TDRD5: variants seen among roughly 807,000 people sequenced by gnomAD.
TDRD5 encodes tudor domain-containing protein 5.
A neutral mutation model predicts 120.6 loss-of-function variants in TDRD5; 41 were observed. The observed-to-expected ratio is 0.34, with a 90% CI of 0.26 to 0.44. The LOEUF (loss-of-function observed/expected upper bound fraction) is 0.44. Ranked by LOEUF, TDRD5 falls within the 20% of genes least tolerant of loss-of-function variation. The pLI, the probability that TDRD5 is intolerant of heterozygous loss-of-function variation, is 1.00. For synonymous variants in TDRD5, 430 were observed against 433.7 expected (o/e 0.99, Z 0.11); for missense variants, 1,006 against 1,221.2 (o/e 0.82, Z 2.63).
Position 179,663,345 on chromosome 1 carries a change from T to C in TDRD5, c.2506-3T>C. On this transcript the variant is annotated splice_polypyrimidine_tract_variant and splice_region_variant and intron_variant, in intron 15 of 17. Transcript: ENST00000444136. ...GTCTGTTGTTGCCATTTTTTCATTA[T>C]AGGACTGGTGTTTTTCTACCCCTAA... 1 of 1,607,996 alleles carries C rather than the reference T, an allele frequency of 6.2e-7. No individual in the cohort carries two copies. The highest frequency in any genetic ancestry group is 8.5e-7 in the Non-Finnish European group (1 of 1,178,350).
At chr1:179,657,541 A>G (rs1679065997) in intron 14 of TDRD5, among the ~76,000 whole-genome samples, 1 of 152,102 alleles carries the variant, frequency 6.6e-6, no homozygotes, top group South Asian at 2.1e-4. Flanking sequence ...GCAAATGGAT[A>G]TCTGTTTTCA....
At chr1:179,629,273 T>A (rs1184691877) in intron 6 of TDRD5, among the ~76,000 whole-genome samples, 1 of 152,152 alleles carries the variant, frequency 6.6e-6, no homozygotes, top group Non-Finnish European at 1.5e-5. Context: ...AAACTGAAGC[T>A]TATTCACTTT....
In TDRD5 at chr1:179,662,194, A is replaced by T. The variant is rs150357975; in HGVS notation, c.2413A>T (p.Met805Leu). Reference sequence around the variant, plus strand: ...GAACTGGTTACCTCTACAGGCTAAGATGGGAAAAGGAGGTGATGCTGCCTC... The same window carrying T: ...GAACTGGTTACCTCTACAGGCTAAGTTGGGAAAAGGAGGTGATGCTGCCTC... ...DENWLPLQAK[M>L]GKGGDAASHL... is the part of the protein sequence containing the mutation. Residue 805 changes from methionine to leucine, a missense_variant, in exon 15 of 18, where the codon ATG becomes TTG. By Grantham distance (15) the Met-to-Leu change is conservative (BLOSUM62 2). This residue lies in a region of TDRD5 where 403 missense variants were observed against 448.1 expected (regional missense o/e 0.90). Coordinates refer to ENST00000444136, the MANE Select transcript of TDRD5 (RefSeq NM_001199085.3). 1.2e-6 allele frequency: 2 copies of T among 1,612,744 alleles called. No homozygotes were observed. Among genetic ancestry groups the T allele is most frequent in the Non-Finnish European group, 1.7e-6 (2 of 1,179,540 alleles).
intron 11 of TDRD5, among the ~76,000 whole-genome samples, chr1:179,647,474 G>A (rs1450599897): frequency 6.6e-5 from 10 of 152,148 alleles, no homozygotes; most frequent in South Asian, 2.1e-4. Flanking sequence ...AGACTTAAAC[G>A]TTAGACCTAA....
At chr1:179,610,730 A>G (rs530920683) in intron 4 of TDRD5, among the ~76,000 whole-genome samples, 5 of 152,138 alleles carry the variant, frequency 3.3e-5, no homozygotes, top group African/African-American at 1.2e-4. Context: ...AGCCATTTTT[A>G]TTACTTTTAA....
At chr1:179,641,332 C>G (rs947512715) in intron 11 of TDRD5, among the ~76,000 whole-genome samples, 1 of 152,140 alleles carries the variant, frequency 6.6e-6, no homozygotes, top group Non-Finnish European at 1.5e-5. Context: ...GAATTCAAGA[C>G]CAGCCTGGCC....
At chr1:179,669,066 G>A (rs1224923275) in intron 16 of TDRD5, 128 bp from the exon 17 acceptor site, 4 of 934,522 alleles carry the variant, frequency 4.3e-6, no homozygotes, top group Admixed American at 3.0e-5. Flanking sequence ...GTTCTTGAAA[G>A]TGAGTAGTTT....
chr1:179,680,983 T>C (rs1190125916), intron 17 of TDRD5, among the ~76,000 whole-genome samples: 1 of 152,264 alleles, frequency 6.6e-6, no homozygotes, highest in East Asian at 1.9e-4. Context: ...ATTGTCACCT[T>C]AAGTTGTCCA....
At chr1:179,636,213 A>G (rs2102015895) in intron 9 of TDRD5, among the ~76,000 whole-genome samples, 1 of 152,310 alleles carries the variant, frequency 6.6e-6, no homozygotes, top group Admixed American at 6.5e-5. Context: ...CTGTTGAGAT[A>G]TGTTGTTTTG....
At chr1:179,594,252 A>T (rs1283775771) in intron 3 of TDRD5, among the ~76,000 whole-genome samples, 1 of 152,212 alleles carries the variant, frequency 6.6e-6, no homozygotes, top group Non-Finnish European at 1.5e-5. Flanking sequence ...AAAATACTTA[A>T]ATTATTAGCC....
chr1:179,657,588 G>A (rs899082871), intron 14 of TDRD5, among the ~76,000 whole-genome samples: 1 of 151,104 alleles, frequency 6.6e-6, no homozygotes, highest in Non-Finnish European at 1.5e-5. Flanking sequence ...TATTGTCTTT[G>A]GTTTTTATAC....
intron 17 of TDRD5, among the ~76,000 whole-genome samples, chr1:179,680,995 A>C (rs1160918215): frequency 6.6e-6 from 1 of 152,256 alleles, no homozygotes; most frequent in African/African-American, 2.4e-5. Context: ...AGTTGTCCAA[A>C]GATTCCAATT....
At chr1:179,649,540 A>T (rs2102057818) in intron 11 of TDRD5, among the ~76,000 whole-genome samples, 1 of 152,168 alleles carries the variant, frequency 6.6e-6, no homozygotes. Flanking sequence ...TGAGGTTTTT[A>T]ATTTGGGTTA....
rs768256818 is a variant in TDRD5 at position 179,593,718 on chromosome 1, C to A, written c.491C>A (p.Ser164Ter). ...GCATTTGCCAAAAGATTTGGACGAT[C>A]ATTCCAATACATGCAATATGGATTT... ...EKAFAKRFGR[S>*]FQYMQYGFLS... is the part of the protein sequence containing the mutation. The change falls in exon 3 of 18, where the codon TCA becomes TAA. Residue 164 changes from serine (S) to a stop codon, truncating the protein, a stop_gained. Coordinates refer to ENST00000444136, the MANE Select transcript of TDRD5 (RefSeq NM_001199085.3). LOFTEE classifies it high-confidence loss of function. The A allele has an allele frequency of 6.2e-7, 1 of 1,614,236 alleles. No individual in the cohort carries two copies. Among genetic ancestry groups the A allele is most frequent in the Non-Finnish European group, 8.5e-7 (1 of 1,180,048 alleles).
chr1:179,639,733 T>C (rs1168543111), intron 9 of TDRD5, 106 bp from the exon 10 acceptor site: 4 of 1,178,260 alleles, frequency 3.4e-6, no homozygotes, highest in Middle Eastern at 2.2e-4. Context: ...AAGTCAATTT[T>C]CTTTTCTTTG....
intron 4 of TDRD5, among the ~76,000 whole-genome samples, chr1:179,603,202 C>G (rs909661125): frequency 1.3e-5 from 2 of 152,084 alleles, no homozygotes; most frequent in Admixed American, 1.3e-4. Context: ...TATAGAAGGG[C>G]TACTGATTTG....
intron 12 of TDRD5, among the ~76,000 whole-genome samples, chr1:179,651,282 C>G (rs1273511899): frequency 1.3e-5 from 2 of 152,124 alleles, no homozygotes; most frequent in African/African-American, 2.4e-5. Flanking sequence ...GTGAATACTT[C>G]TATTTTAAAT....
Position 179,691,163 on chromosome 1 carries a change from T to C in TDRD5, c.*220T>C. On this transcript the variant is annotated 3_prime_UTR_variant, in exon 18 of 18. Coordinates refer to ENST00000444136, the MANE Select transcript of TDRD5 (RefSeq NM_001199085.3). ...ATCTTGATTTTTCTTGATTTTATTC[T>C]GTGTCATTTTGTTCACCTTTGTTTT... is the stretch of plus-strand genomic sequence containing the variant. 1.9e-6 allele frequency: 1 copy of C among 518,668 alleles called. No homozygotes were observed. The highest frequency in any genetic ancestry group is 3.1e-6 in the Non-Finnish European group (1 of 325,858). 32.1% of individuals were successfully genotyped at this position (518,668 alleles called of 1,614,324 possible).
chr1:179,674,331 A>T (rs1013700530), intron 17 of TDRD5, among the ~76,000 whole-genome samples: 1 of 152,160 alleles, frequency 6.6e-6, no homozygotes, highest in African/African-American at 2.4e-5. Flanking sequence ...AATTCTATTT[A>T]TGTGGTGTAT....
Sources: gnomAD v4.1 joint callset for allele counts (sites outside exome capture counted in the v4.1 genomes callset) on GRCh38, gnomAD v4.1.1 for gene constraint, gnomAD v4.1.1 regional missense constraint, MANE v1.5 for transcripts, NCBI Gene and HGNC (gene_info 2026-07-23, HGNC 2026-07-21) for gene names.